The following GPHN variants were observed in gnomAD, a reference collection of about 807,000 sequenced individuals.
The protein encoded by GPHN is gephyrin.
GPHN carries 17 observed loss-of-function variants against 95.5 expected under a neutral mutation model. That is an observed-to-expected ratio of 0.18 (90% CI 0.12 to 0.27). GPHN has a LOEUF of 0.27. Ranked by LOEUF, GPHN falls within the 10% of genes least tolerant of loss-of-function variation. The pLI is 1.00. For missense variants in GPHN, 660 were observed against 978.1 expected (o/e 0.67, Z 4.34); for synonymous variants, 320 against 322.5 (o/e 0.99, Z 0.08).
the GPHN span, among the ~76,000 whole-genome samples, chr14:67,529,163 C>G: frequency 0.03 from 4,498 of 152,248 alleles, 215 homozygotes; most frequent in African/African-American, 0.1. Flanking sequence ...TAATAACTCT[C>G]TAAGGAAGGA....
chr14:67,007,393 T>G (rs1378110138), intron 9 of GPHN, among the ~76,000 whole-genome samples: 3 of 152,178 alleles, frequency 2.0e-5, no homozygotes, highest in African/African-American at 2.4e-5. Context: ...GAAATATAAA[T>G]AAACAAAAAA....
chr14:66,735,859 G>C (rs1438633268), intron 2 of GPHN, among the ~76,000 whole-genome samples: 1 of 152,034 alleles, frequency 6.6e-6, no homozygotes, highest in Non-Finnish European at 1.5e-5. Context: ...TATTTACTGG[G>C]TACCTACTAT....
the GPHN span, among the ~76,000 whole-genome samples, chr14:67,226,267 C>G: frequency 1.1e-4 from 16 of 152,204 alleles, no homozygotes; most frequent in Non-Finnish European, 2.4e-4. Context: ...TCTTGGCTCA[C>G]TGCAACCTCT....
At chr14:67,655,579 T>C in the GPHN span, among the ~76,000 whole-genome samples, 62 of 152,244 alleles carry the variant, frequency 4.1e-4, no homozygotes, top group Admixed American at 2.7e-3. Context: ...TAGTCCAGGA[T>C]TGAAGCATAA....
the GPHN span, among the ~76,000 whole-genome samples, chr14:67,242,598 A>G: frequency 3.4e-4 from 52 of 152,290 alleles, no homozygotes; most frequent in African/African-American, 1.0e-3. Context: ...GAAACTTATT[A>G]AATAAGCTTC....
intron 4 of GPHN, among the ~76,000 whole-genome samples, chr14:66,827,003 G>C (rs2061408884): frequency 6.6e-6 from 1 of 152,130 alleles, no homozygotes; most frequent in Non-Finnish European, 1.5e-5. Context: ...AGAGGTTTGG[G>C]CCTGGCATGG....
At chr14:67,291,171 T>G in the GPHN span, among the ~76,000 whole-genome samples, 3 of 151,128 alleles carry the variant, frequency 2.0e-5, no homozygotes, top group Admixed American at 2.0e-4. Flanking sequence ...TATGACAGAG[T>G]ATATGTGCGT....
intron 2 of GPHN, among the ~76,000 whole-genome samples, chr14:66,764,357 A>G (rs2058879572): frequency 6.6e-6 from 1 of 152,250 alleles, no homozygotes; most frequent in African/African-American, 2.4e-5. Context: ...CCAGTCCCTC[A>G]AGGATACCCA....
intron 4 of GPHN, among the ~76,000 whole-genome samples, chr14:66,873,583 G>A (rs988052507): frequency 1.3e-5 from 2 of 152,084 alleles, no homozygotes; most frequent in African/African-American, 4.8e-5. Context: ...GTGGGGAGGG[G>A]GCGTCCACCA....
chr14:67,577,783 GA>G, the GPHN span, among the ~76,000 whole-genome samples: 4 of 152,086 alleles, frequency 2.6e-5, no homozygotes, highest in Non-Finnish European at 4.4e-5. Context: ...TTTTTTTAAG[GA>G]ATTTGTCTTG....
chr14:67,433,040 T>A, the GPHN span, among the ~76,000 whole-genome samples: 19,252 of 152,190 alleles, frequency 0.13, 1,239 homozygotes, highest in Middle Eastern at 0.22. Context: ...TTCAACGTAG[T>A]CCTCTCTGTT....
At chr14:67,317,297 T>A in the GPHN span, 2 of 977,668 alleles carry the variant, frequency 2.0e-6, no homozygotes, top group East Asian at 5.6e-5. Flanking sequence ...ATCTCGTTTC[T>A]GCAAAAAAAT....
chr14:67,187,923 C>T, the GPHN span, among the ~76,000 whole-genome samples: 1 of 152,320 alleles, frequency 6.6e-6, no homozygotes, highest in South Asian at 2.1e-4. Context: ...AATCTGTTTA[C>T]ATGACCCCTT....
At chr14:67,300,157 T>C in the GPHN span, among the ~76,000 whole-genome samples, 1 of 152,190 alleles carries the variant, frequency 6.6e-6, no homozygotes, top group South Asian at 2.1e-4. Context: ...ATTTTCTAAG[T>C]ACCAAAACCT....
chr14:67,111,576 G>A (rs2078373599), intron 14 of GPHN, among the ~76,000 whole-genome samples: 1 of 151,940 alleles, frequency 6.6e-6, no homozygotes, highest in African/African-American at 2.4e-5. Context: ...TAATGTATTA[G>A]TTCAAATATT....
the GPHN span, chr14:67,646,565 T>C: frequency 1.7e-6 from 2 of 1,150,828 alleles, no homozygotes; most frequent in East Asian, 2.3e-5. Context: ...GCAGATTGCA[T>C]ACCCACGGAC....
chr14:67,682,719 A>G, the GPHN span, among the ~76,000 whole-genome samples: 5 of 152,242 alleles, frequency 3.3e-5, no homozygotes, highest in Non-Finnish European at 5.9e-5. Flanking sequence ...CACAGTTACC[A>G]TATAACCCAG....
At chr14:67,321,598 C>T in the GPHN span, among the ~76,000 whole-genome samples, 78 of 152,234 alleles carry the variant, frequency 5.1e-4, no homozygotes, top group East Asian at 0.014. Flanking sequence ...AAATTAAATT[C>T]ATTTATCTTT....
intron 2 of GPHN, among the ~76,000 whole-genome samples, chr14:66,750,498 G>A (rs528742558): frequency 7.2e-4 from 110 of 152,002 alleles, no homozygotes; most frequent in Non-Finnish European, 3.7e-4. Flanking sequence ...GATGTAGAGA[G>A]GAAAATACAT....
Sources: gnomAD v4.1 joint callset for allele counts (sites outside exome capture counted in the v4.1 genomes callset) on GRCh38, gnomAD v4.1.1 for gene constraint, MANE v1.5 for transcripts, NCBI Gene and HGNC (gene_info 2026-07-23, HGNC 2026-07-21) for gene names.